Variants in TMEM255A observed in about 807,000 individuals in gnomAD.
The protein encoded by TMEM255A is transmembrane protein 255A.
In TMEM255A, 14 loss-of-function variants were observed where a neutral mutation model predicts 23.5. The ratio of observed to expected loss-of-function variants is 0.60; its 90% CI spans 0.39 to 0.93. The LOEUF (loss-of-function observed/expected upper bound fraction) is 0.93. Ranked by LOEUF, TMEM255A falls within the 40% of genes least tolerant of loss-of-function variation. The probability of loss-of-function intolerance (pLI) is 0.00; values close to 1 mark genes in which losing one functional copy is unlikely to be tolerated. For missense variants in TMEM255A, 233 were observed against 261.7 expected, an observed-to-expected ratio of 0.89 and a Z score of 0.76; for synonymous variants, 104 against 100.3, an observed-to-expected ratio of 1.04 and a Z score of -0.22.
At chrX:120,300,185 G>A (rs1411034815) in intron 2 of TMEM255A, among the ~76,000 whole-genome samples, 2 of 111,192 alleles carry the variant, frequency 1.8e-5, no homozygotes, top group Non-Finnish European at 3.8e-5. Context: ...TAAGGTAAGA[G>A]GAGGTGTACC....
At chrX:120,296,942 TTA>T (rs374996823) in intron 2 of TMEM255A, among the ~76,000 whole-genome samples, 33 of 2,524 alleles carry the variant, frequency 0.013, no homozygotes, top group African/African-American at 0.061. Flanking sequence ...ATATATAATA[TTA>T]TATATATATT....
In TMEM255A at chrX:120,260,520, G is replaced by C. The variant is rs1241750898; in HGVS notation, c.*350C>G. The C allele has an allele frequency of 6.8e-6, 1 of 147,435 alleles. No homozygotes were observed. The highest frequency in any genetic ancestry group is 3.1e-5 in the African/African-American group (1 of 32,015). The allele number at this position is 147,435 out of a possible 1,213,427, so 12.2% of individuals were successfully genotyped here. ...AGGTGCTGGGGTGGCAATCTGCCAAGGGCCCGAGGGCAACACTCCTTTACA... is the reference window on the plus strand; with the variant it reads ...AGGTGCTGGGGTGGCAATCTGCCAACGGCCCGAGGGCAACACTCCTTTACA... On this transcript the variant is annotated 3_prime_UTR_variant, in exon 9 of 9. Coordinates refer to ENST00000371369, the MANE Select transcript of TMEM255A (RefSeq NM_001104544.3).
chrX:120,266,748 C>T, intron 8 of TMEM255A, among the ~76,000 whole-genome samples: 1 of 112,332 alleles, frequency 8.9e-6, no homozygotes, highest in Non-Finnish European at 1.9e-5. Context: ...GAATGATGAC[C>T]TTCCTTGTTT....
chrX:120,256,508 T>G (rs1556015485), downstream of TMEM255A: 1 of 122,490 alleles, frequency 8.2e-6, no homozygotes, highest in Non-Finnish European at 1.9e-5. Context: ...TTTGTTAGGT[T>G]TTTACCCCTT....
chrX:120,303,077 C>T (rs2058043108), intron 2 of TMEM255A, among the ~76,000 whole-genome samples: 1 of 111,635 alleles, frequency 9.0e-6, no homozygotes, highest in African/African-American at 3.3e-5. Flanking sequence ...TATGATCTCA[C>T]CTCTAGAGTT....
intron 1 of TMEM255A, among the ~76,000 whole-genome samples, chrX:120,306,202 C>T (rs2058064233): frequency 9.0e-6 from 1 of 110,837 alleles, no homozygotes. Context: ...CCTTTCATGA[C>T]AGGGCTATTA....
chrX:120,290,295 T>C (rs1241937456), intron 4 of TMEM255A, among the ~76,000 whole-genome samples: 1 of 111,992 alleles, frequency 8.9e-6, no homozygotes, highest in Non-Finnish European at 1.9e-5. Flanking sequence ...GCAGGCTTCT[T>C]AGCCACTAGG....
At chrX:120,304,081 TA>T (rs1556026522) in intron 2 of TMEM255A, among the ~76,000 whole-genome samples, 9 of 111,292 alleles carry the variant, frequency 8.1e-5, no homozygotes, top group African/African-American at 3.0e-4. Flanking sequence ...TAACATCTCC[TA>T]AACCAGAAAC....
chrX:120,274,993 G>A (rs148981617), intron 7 of TMEM255A, among the ~76,000 whole-genome samples: 2,372 of 111,782 alleles, frequency 0.021, 33 homozygotes, highest in Middle Eastern at 0.055. Context: ...GCCAAACCTG[G>A]GAGCTTCTCT....
chrX:120,275,680 T>C (rs953970180), intron 7 of TMEM255A, among the ~76,000 whole-genome samples: 5 of 71,193 alleles, frequency 7.0e-5, no homozygotes, highest in Non-Finnish European at 9.9e-5. Flanking sequence ...CAGAATTACC[T>C]GGGAGCTTAA....
chrX:120,308,593 A>T (rs782447557), intron 1 of TMEM255A, among the ~76,000 whole-genome samples: 15 of 111,736 alleles, frequency 1.3e-4, no homozygotes, highest in African/African-American at 1.6e-4. Context: ...TCTCCCAAAC[A>T]TTTCCTTAAA....
chrX:120,264,903 G>A (rs1384919040), intron 8 of TMEM255A, among the ~76,000 whole-genome samples: 6 of 98,494 alleles, frequency 6.1e-5, no homozygotes, highest in South Asian at 4.7e-4. Context: ...TTTATACAGC[G>A]CTTCTCTCTT....
In TMEM255A at chrX:120,288,096, G is replaced by A. The variant is rs141354015; in HGVS notation, c.355-874C>T. On this transcript the variant is annotated intron_variant, in intron 4 of 8. Transcript: ENST00000371369. Reference sequence around the variant, plus strand: ...CAAACAACTTATGCAAATTGACCTTGGGGTTTGGCAGAAGTACCCAGGCAG... The same window carrying A: ...CAAACAACTTATGCAAATTGACCTTAGGGTTTGGCAGAAGTACCCAGGCAG... 6.3e-3 allele frequency among the ~76,000 whole-genome samples: 708 copies of A among 111,731 alleles called. 2 individuals are homozygous for A. The highest frequency in any genetic ancestry group is 0.022 in the African/African-American group (683 of 30,724).
chrX:120,280,549 T>C (rs782696121), intron 6 of TMEM255A, among the ~76,000 whole-genome samples: 2 of 110,460 alleles, frequency 1.8e-5, no homozygotes, highest in East Asian at 5.7e-4. Flanking sequence ...TGGGCAGAGC[T>C]TCCTCTGAAA....
Position 120,260,213 on chromosome X carries a change from A to G in TMEM255A, c.*657T>C, listed in dbSNP as rs45551332. ...TCCGGAACAATACATCCTGTTCCCCACTACTGAAGATGCAAGAATATTGCA... is the reference window on the plus strand; with the variant it reads ...TCCGGAACAATACATCCTGTTCCCCGCTACTGAAGATGCAAGAATATTGCA... On this transcript the variant is annotated 3_prime_UTR_variant, in exon 9 of 9. Coordinates refer to ENST00000371369, the MANE Select transcript of TMEM255A (RefSeq NM_001104544.3). 0.03 allele frequency: 22,788 copies of G among 750,845 alleles called. 299 individuals are homozygous for G. The highest frequency in any genetic ancestry group is 0.043 in the South Asian group (624 of 14,619). 61.9% of individuals were successfully genotyped at this position (750,845 alleles called of 1,213,427 possible). A position where few individuals can be genotyped will look rare whatever the true frequency, so the allele number is the denominator to read the frequency against.
chrX:120,280,809 C>T (rs974584291), intron 6 of TMEM255A, among the ~76,000 whole-genome samples: 2 of 111,463 alleles, frequency 1.8e-5, no homozygotes, highest in East Asian at 2.8e-4. Context: ...AAGCCCCACA[C>T]TGGCTATGCT....
At chrX:120,285,819 C>T (rs2057871330) in intron 5 of TMEM255A, 3 of 1,200,181 alleles carry the variant, frequency 2.5e-6, no homozygotes. Flanking sequence ...ATCTAGAGAA[C>T]AGCAATGACA....
At chrX:120,287,308 T>TACACACATACACACAC (rs1556022057) in intron 4 of TMEM255A, 86 bp from the exon 5 acceptor site, 1 of 379,595 alleles carries the variant, frequency 2.6e-6, no homozygotes, top group African/African-American at 2.9e-5. Flanking sequence ...AAGGTTTGAA[T>TACACACATACACACAC]ACACACACAC....
intron 6 of TMEM255A, among the ~76,000 whole-genome samples, chrX:120,280,321 G>A (rs1371693356): frequency 7.2e-5 from 8 of 110,503 alleles, no homozygotes; most frequent in South Asian, 3.9e-4. Flanking sequence ...GGCACAAACC[G>A]CAATATGGGA....
Sources: gnomAD v4.1 joint callset for allele counts (sites outside exome capture counted in the v4.1 genomes callset) on GRCh38, gnomAD v4.1.1 for gene constraint, MANE v1.5 for transcripts, NCBI Gene and HGNC (gene_info 2026-07-23, HGNC 2026-07-21) for gene names.